Variants in BICD1 observed in about 807,000 individuals in gnomAD.
BICD1 encodes protein bicaudal D homolog 1.
BICD1 carries 35 observed loss-of-function variants against 92.5 expected under a neutral mutation model. That is an observed-to-expected ratio of 0.38 (90% confidence interval 0.29 to 0.50). The LOEUF (loss-of-function observed/expected upper bound fraction) is 0.50. BICD1 is among the 20% of genes least tolerant of loss of function. The pLI, the probability that BICD1 is intolerant of heterozygous loss-of-function variation, is 0.93. For synonymous variants in BICD1, 429 were observed against 465.1 expected (o/e 0.92, Z 1.00); for missense variants, 950 against 1,189.8 (o/e 0.80, Z 2.97).
At chr12:32,108,573 T>C (rs1941579007) in intron 1 of BICD1, 1 of 654,748 alleles carries the variant, frequency 1.5e-6, no homozygotes, top group African/African-American at 1.8e-5. Context: ...TAGGTGCATA[T>C]TGACATTTAA....
At chr12:32,121,961 G>A (rs1011238304) in intron 1 of BICD1, among the ~76,000 whole-genome samples, 1 of 151,868 alleles carries the variant, frequency 6.6e-6, no homozygotes, top group Non-Finnish European at 1.5e-5. Flanking sequence ...CTACAGGTGT[G>A]AGTCACCACA....
chr12:32,161,305 T>A (rs987588906), intron 1 of BICD1, among the ~76,000 whole-genome samples: 1 of 152,190 alleles, frequency 6.6e-6, no homozygotes, highest in Non-Finnish European at 1.5e-5. Flanking sequence ...GTGAAATCAA[T>A]ATGATTCAAC....
chr12:32,343,258 C>A (rs1938447860), intron 8 of BICD1, among the ~76,000 whole-genome samples: 1 of 152,124 alleles, frequency 6.6e-6, no homozygotes, highest in Non-Finnish European at 1.5e-5. Context: ...AAAATTGTTG[C>A]CTATTTTTTA....
chr12:32,188,991 G>A (rs1424145542), intron 1 of BICD1, among the ~76,000 whole-genome samples: 4 of 152,108 alleles, frequency 2.6e-5, no homozygotes, highest in African/African-American at 4.8e-5. Flanking sequence ...TATTTTTCTT[G>A]AACCTTCTCA....
At chr12:32,235,927 T>C (rs1038673729) in intron 2 of BICD1, among the ~76,000 whole-genome samples, 3 of 147,908 alleles carry the variant, frequency 2.0e-5, no homozygotes, top group Non-Finnish European at 4.4e-5. Context: ...GGTCTCGATC[T>C]CTTGACCTCG....
intron 4 of BICD1, among the ~76,000 whole-genome samples, chr12:32,318,418 G>A (rs1948562311): frequency 6.6e-6 from 1 of 151,996 alleles, no homozygotes; most frequent in Admixed American, 6.6e-5. Context: ...TCCTTGAAGA[G>A]GTCCTTCACA....
At chr12:32,139,872 T>TA (rs971951709) in intron 1 of BICD1, among the ~76,000 whole-genome samples, 36 of 150,858 alleles carry the variant, frequency 2.4e-4, no homozygotes, top group East Asian at 1.7e-3. Flanking sequence ...GGCACAGAGT[T>TA]AAAAAAAAAA....
intron 8 of BICD1, among the ~76,000 whole-genome samples, chr12:32,350,826 G>A (rs1288873364): frequency 6.6e-6 from 1 of 152,172 alleles, no homozygotes; most frequent in Admixed American, 6.5e-5. Flanking sequence ...TTCAAAAAGT[G>A]TAAAGTCATA....
intron 1 of BICD1, among the ~76,000 whole-genome samples, chr12:32,110,861 TAGCATTAGGAGATATACCTAATGCTA>T (rs1941660720): frequency 6.9e-6 from 1 of 145,136 alleles, no homozygotes; most frequent in Admixed American, 6.8e-5. Context: ...GGGGGATGGA[TAGCATTAGGAGATATACCTAATGCTA>T]AATGACGAGT....
At chr12:32,287,700 T>A (rs141280777) in intron 2 of BICD1, among the ~76,000 whole-genome samples, 4,104 of 152,112 alleles carry the variant, frequency 0.027, 82 homozygotes, top group Middle Eastern at 0.071. Context: ...CCACACCTGG[T>A]TACTTTTTTA....
At chr12:32,319,059 T>G (rs578067859) in intron 4 of BICD1, among the ~76,000 whole-genome samples, 1 of 152,244 alleles carries the variant, frequency 6.6e-6, no homozygotes, top group Non-Finnish European at 1.5e-5. Flanking sequence ...GAATTTCTAT[T>G]AATATTTACA....
intron 2 of BICD1, among the ~76,000 whole-genome samples, chr12:32,241,783 C>T (rs928309541): frequency 6.6e-6 from 1 of 152,152 alleles, no homozygotes; most frequent in African/African-American, 2.4e-5. Context: ...AGACTAAAAA[C>T]AGTCTATTTC....
chr12:32,202,203 CTGTT>C (rs1944923658), intron 1 of BICD1, among the ~76,000 whole-genome samples: 1 of 152,172 alleles, frequency 6.6e-6, no homozygotes, highest in Non-Finnish European at 1.5e-5. Flanking sequence ...CAGATGGCGT[CTGTT>C]TGGTTGAGAC....
intron 1 of BICD1, chr12:32,108,884 G>T: frequency 2.0e-6 from 1 of 491,014 alleles, no homozygotes. Context: ...ACAACAGCTG[G>T]ACTTGTTTAT....
At chr12:32,261,437 T>C (rs1233352014) in intron 2 of BICD1, among the ~76,000 whole-genome samples, 1 of 152,140 alleles carries the variant, frequency 6.6e-6, no homozygotes, top group Non-Finnish European at 1.5e-5. Context: ...TTCGTATGCA[T>C]ATAGAATGGA....
chr12:32,127,328 G>T (rs1213432260), intron 1 of BICD1, among the ~76,000 whole-genome samples: 5 of 151,866 alleles, frequency 3.3e-5, no homozygotes, highest in African/African-American at 4.8e-5. Flanking sequence ...TTTTGTGTTT[G>T]GTGTGAGGTA....
chr12:32,361,395 A>G (rs765281059), intron 8 of BICD1, among the ~76,000 whole-genome samples: 1 of 151,940 alleles, frequency 6.6e-6, no homozygotes, highest in Non-Finnish European at 1.5e-5. Context: ...TCCACCAAAC[A>G]TACAAAAATT....
At chr12:32,198,546 C>CTT (rs113075749) in intron 1 of BICD1, among the ~76,000 whole-genome samples, 47,388 of 133,936 alleles carry the variant, frequency 0.35, 8,925 homozygotes, top group East Asian at 0.58. Context: ...TATCCCCACT[C>CTT]TTTTTTTTTT....
chr12:32,179,455 C>T (rs1944209072), intron 1 of BICD1, among the ~76,000 whole-genome samples: 1 of 151,854 alleles, frequency 6.6e-6, no homozygotes, highest in African/African-American at 2.4e-5. Context: ...ATATTGATCC[C>T]TTCTTAAAAT....
Sources: allele counts gnomAD v4.1 joint callset (sites outside exome capture counted in the v4.1 genomes callset), GRCh38; gene constraint gnomAD v4.1.1; transcripts MANE v1.5; gene names NCBI Gene and HGNC (gene_info 2026-07-23, HGNC 2026-07-21).